Variants in ADGRL3 observed in about 807,000 individuals in gnomAD.
ADGRL3 encodes the protein calcium-independent alpha-latrotoxin receptor 3.
Under a neutral mutation model 153.5 loss-of-function variants are expected in ADGRL3, and 62 were observed. That is an observed-to-expected ratio of 0.40 (90% CI 0.33 to 0.50). The LOEUF (loss-of-function observed/expected upper bound fraction) is 0.50. Among genes scored for constraint, ADGRL3 ranks in the 20% least tolerant of loss-of-function variants. The pLI is 0.47. For missense variants in ADGRL3, 1,641 were observed against 1,859.4 expected (o/e 0.88, Z 2.16); for synonymous variants, 710 against 672.5 (o/e 1.06, Z -0.86).
intron 4 of ADGRL3, among the ~76,000 whole-genome samples, chr4:61,580,620 G>T (rs755991286): frequency 6.6e-6 from 1 of 151,946 alleles, no homozygotes; most frequent in Non-Finnish European, 1.5e-5. Context: ...TAATTAGTTG[G>T]GTATAGCCCC....
chr4:61,606,237 G>C (rs2099031864), intron 5 of ADGRL3, among the ~76,000 whole-genome samples: 1 of 152,194 alleles, frequency 6.6e-6, no homozygotes. Flanking sequence ...GTGAACATTT[G>C]AAGTTAAAGT....
rs918922957 is a variant in ADGRL3 at position 62,070,490 on chromosome 4, C to T, written c.4214C>T (p.Pro1405Leu). ...IHEESDAPLL[P>L]PRVYSTENHQ... ...GAGGAATCTGATGCTCCTTTGCTGC[C>T]CCCAAGAGTATACTCCACCGAGAAC... Residue 1405 changes from proline (P) to leucine (L), a missense_variant, in exon 27 of 27, where the codon CCC (proline) becomes CTC (leucine). By Grantham distance (98) the Pro-to-Leu change is moderately conservative (BLOSUM62 -3). Coordinates refer to ENST00000683033, the MANE Select transcript of ADGRL3 (RefSeq NM_001387552.1). 1.9e-6 allele frequency: 3 copies of T among 1,548,180 alleles called. No individual in the cohort carries two copies. In the African/African-American group the frequency reaches 4.2e-5, roughly 22 times the overall value.
chr4:61,685,289 T>A (rs980152077), intron 6 of ADGRL3, among the ~76,000 whole-genome samples: 5 of 152,052 alleles, frequency 3.3e-5, no homozygotes, highest in Admixed American at 2.0e-4. Context: ...TCAAACAAGT[T>A]TATCGCTGCC....
chr4:61,600,969 A>G (rs1021534043), intron 5 of ADGRL3, among the ~76,000 whole-genome samples: 1 of 152,154 alleles, frequency 6.6e-6, no homozygotes, highest in African/African-American at 2.4e-5. Flanking sequence ...TTAACCTTCA[A>G]AATCAGAAAA....
At chr4:61,362,251 C>T (rs1272024817) in intron 1 of ADGRL3, among the ~76,000 whole-genome samples, 1 of 151,222 alleles carries the variant, frequency 6.6e-6, no homozygotes, top group Admixed American at 6.6e-5. Context: ...GATCTGCCTT[C>T]CTCGGCCTCC....
In ADGRL3 at chr4:62,033,830, A is replaced by G. The variant is rs531375411; in HGVS notation, c.3591+2220A>G. 7.9e-5 allele frequency among the ~76,000 whole-genome samples: 12 copies of G among 151,904 alleles called. 2 individuals are homozygous for G. The South Asian group carries it at 2.5e-3, about 31-fold the overall frequency. ...TTTAAATTTTTTTACTAACTCATTAAGAAGTAATTTTTAAATGTTAAAGTT... is the reference window on the plus strand; with the variant it reads ...TTTAAATTTTTTTACTAACTCATTAGGAAGTAATTTTTAAATGTTAAAGTT... On this transcript the variant is annotated intron_variant, in intron 23 of 26. Transcript: ENST00000683033.
intron 1 of ADGRL3, among the ~76,000 whole-genome samples, chr4:61,279,681 T>G (rs866138138): frequency 6.6e-6 from 1 of 152,326 alleles, no homozygotes; most frequent in East Asian, 1.9e-4. Flanking sequence ...TTGAGGACTT[T>G]ACATGTCTCT....
intron 15 of ADGRL3, 37 bp from the exon 16 acceptor site, chr4:61,946,877 G>A (rs780063237): frequency 2.0e-6 from 3 of 1,475,780 alleles, no homozygotes; most frequent in Non-Finnish European, 2.8e-6. Flanking sequence ...AATTTAAGTA[G>A]AGTGGACAAA....
chr4:61,939,908 G>A (rs2098873510), intron 15 of ADGRL3, among the ~76,000 whole-genome samples: 1 of 143,964 alleles, frequency 6.9e-6, no homozygotes, highest in Non-Finnish European at 1.5e-5. Flanking sequence ...CTTTATTGAT[G>A]CATAGTATAT....
chr4:61,252,366 T>C (rs1440759196), intron 1 of ADGRL3, among the ~76,000 whole-genome samples: 1 of 152,218 alleles, frequency 6.6e-6, no homozygotes, highest in African/African-American at 2.4e-5. Context: ...TAATATTGTA[T>C]CATTAACATC....
At chr4:61,714,375 A>AAC (rs536622577) in intron 6 of ADGRL3, among the ~76,000 whole-genome samples, 2,270 of 147,476 alleles carry the variant, frequency 0.015, 37 homozygotes, top group Middle Eastern at 0.05. Context: ...CACACACACA[A>AAC]ACACACACAC....
chr4:61,768,794 G>A lies in ADGRL3; in HGVS notation c.1399+35240G>A, dbSNP rs190243335. ...AGCCCAGAGAAAAGAGTAGAGGCAC[G>A]GAGAAGGGGTGGGGGTTTCTTCCCC... On this transcript the variant is annotated intron_variant, in intron 8 of 26. Transcript: ENST00000683033. 8.4e-3 allele frequency among the ~76,000 whole-genome samples: 1,273 copies of A among 151,978 alleles called. 31 individuals are homozygous for A. The highest frequency in any genetic ancestry group is 0.029 in the African/African-American group (1,192 of 41,408).
intron 8 of ADGRL3, among the ~76,000 whole-genome samples, chr4:61,770,254 A>G (rs2097067713): frequency 6.6e-6 from 1 of 152,194 alleles, no homozygotes; most frequent in Non-Finnish European, 1.5e-5. Flanking sequence ...TTTATTGTTG[A>G]TAAGTAATTT....
chr4:62,055,926 A>T (rs1369803883), intron 25 of ADGRL3, among the ~76,000 whole-genome samples: 1 of 151,566 alleles, frequency 6.6e-6, no homozygotes, highest in Non-Finnish European at 1.5e-5. Context: ...CATTTATTTT[A>T]TATAATTTAA....
At chr4:61,803,967 A>G (rs2097527892) in intron 8 of ADGRL3, among the ~76,000 whole-genome samples, 1 of 152,226 alleles carries the variant, frequency 6.6e-6, no homozygotes, top group African/African-American at 2.4e-5. Flanking sequence ...ACATAAAAGT[A>G]GGATGAATCT....
intron 18 of ADGRL3, among the ~76,000 whole-genome samples, chr4:61,982,245 A>G (rs916727332): frequency 6.6e-6 from 1 of 152,238 alleles, no homozygotes; most frequent in Non-Finnish European, 1.5e-5. Flanking sequence ...CTAACAAGTA[A>G]TATAAAGAAC....
intron 2 of ADGRL3, among the ~76,000 whole-genome samples, chr4:61,459,425 A>G (rs957572894): frequency 2.6e-5 from 4 of 152,002 alleles, no homozygotes; most frequent in African/African-American, 9.7e-5. Flanking sequence ...TGCATTTACT[A>G]TATCTACCAC....
At chr4:61,834,700 G>A (rs902383739) in intron 9 of ADGRL3, among the ~76,000 whole-genome samples, 5 of 152,164 alleles carry the variant, frequency 3.3e-5, no homozygotes, top group Non-Finnish European at 7.3e-5. Context: ...CTTTGTACCT[G>A]GCTGAGCAAA....
intron 9 of ADGRL3, among the ~76,000 whole-genome samples, chr4:61,821,306 A>G (rs1020269023): frequency 6.6e-6 from 1 of 151,300 alleles, no homozygotes; most frequent in Non-Finnish European, 1.5e-5. Flanking sequence ...AATATATTCC[A>G]CCTTCCAATA....
Sources: gnomAD v4.1 joint callset for allele counts (sites outside exome capture counted in the v4.1 genomes callset) on GRCh38, gnomAD v4.1.1 for gene constraint, MANE v1.5 for transcripts, NCBI Gene and HGNC (gene_info 2026-07-23, HGNC 2026-07-21) for gene names.